The following DSG2 variants were observed in gnomAD, a reference collection of about 807,000 sequenced individuals.
The protein encoded by DSG2 is desmoglein-2.
DSG2 carries 45 observed loss-of-function variants against 75.6 expected under a neutral mutation model. The observed-to-expected ratio is 0.60, with a 90% CI of 0.47 to 0.76. DSG2 has a LOEUF of 0.76. Among genes scored for constraint, DSG2 ranks in the 30% least tolerant of loss-of-function variants. The probability of loss-of-function intolerance (pLI) is 0.00; values close to 1 mark genes in which losing one functional copy is unlikely to be tolerated. For synonymous variants in DSG2, 429 were observed against 483.9 expected (o/e 0.89, Z 1.49); for missense variants, 1,267 against 1,357.4 (o/e 0.93, Z 1.05).
At position 31,541,297 on chromosome 18, in the gene DSG2, G is replaced by C; in HGVS notation, c.1984G>C (p.Ala662Pro). ...EMLHPWNNEG[A>P]PPEDKVVPSF... The stretch of plus-strand genomic sequence containing the variant: ...GCTGCATCCTTGGAATAATGAAGGA[G>C]CACCACCTGAAGACAAGGTCAGTGG... The change falls in exon 13 of 15, where the codon GCA (alanine) becomes CCA (proline). Residue 662 changes from alanine to proline, a missense_variant. Ala to Pro is a conservative substitution (Grantham distance 27). Transcript: ENST00000261590. The C allele has an allele frequency of 6.2e-7, 1 of 1,613,742 alleles. No individual in the cohort carries two copies. Among genetic ancestry groups the C allele is most frequent in the African/African-American group, 1.3e-5 (1 of 75,018 alleles).
In DSG2 at chr18:31,548,007, G is replaced by GT. The variant is rs1210957087; in HGVS notation, c.*1269dup. 1.3e-5 allele frequency: 2 copies of GT among 151,888 alleles called. No homozygotes were observed. Among genetic ancestry groups the GT allele is most frequent in the Non-Finnish European group, 2.9e-5 (2 of 67,968 alleles). The allele number at this position is 151,888 out of a possible 1,614,324, so 9.4% of individuals were successfully genotyped here. A position where few individuals can be genotyped will look rare whatever the true frequency, so the allele number is the denominator to read the frequency against. On this transcript the variant is annotated 3_prime_UTR_variant, in exon 15 of 15. Coordinates refer to ENST00000261590, the MANE Select transcript of DSG2 (RefSeq NM_001943.5). ...TTACACTGAATTGTAAAAACCATTCGTTTTTGTTTACAATTGCCAAAAATC... is the reference window on the plus strand; with the variant it reads ...TTACACTGAATTGTAAAAACCATTCGTTTTTTGTTTACAATTGCCAAAAATC...
intron 1 of DSG2, among the ~76,000 whole-genome samples, chr18:31,504,320 A>G (rs1239884248): frequency 6.6e-6 from 1 of 152,214 alleles, no homozygotes; most frequent in African/African-American, 2.4e-5. Flanking sequence ...ACATTAAACA[A>G]TGTTTGATAC....
chr18:31,518,028 T>C (rs1024721600), intron 1 of DSG2, among the ~76,000 whole-genome samples: 16 of 152,114 alleles, frequency 1.1e-4, no homozygotes, highest in African/African-American at 3.6e-4. Flanking sequence ...GAGGAGTCAG[T>C]ATGGATCCAG....
chr18:31,501,896 CAAT>C (rs1340909620), intron 1 of DSG2, among the ~76,000 whole-genome samples: 3 of 151,986 alleles, frequency 2.0e-5, no homozygotes, highest in African/African-American at 7.2e-5. Flanking sequence ...TATAAATTAT[CAAT>C]AATATCAGAG....
rs376777933 is a variant in DSG2 at position 31,546,766 on chromosome 18, C to T, written c.*23C>T. The stretch of plus-strand genomic sequence containing the variant: ...TAAACAGCAGTCAGCCACAAACTGA[C>T]CCAGAGTTTAATTAGCAGTGACTAA... On this transcript the variant is annotated 3_prime_UTR_variant, in exon 15 of 15. Coordinates refer to ENST00000261590, the MANE Select transcript of DSG2 (RefSeq NM_001943.5). 32 of 1,609,970 alleles carry T rather than the reference C, an allele frequency of 2.0e-5. No individual in the cohort carries two copies. Among genetic ancestry groups the T allele is most frequent in the Non-Finnish European group, 2.7e-5 (32 of 1,176,262 alleles).
chr18:31,527,624 C>T (rs748315860), intron 8 of DSG2, among the ~76,000 whole-genome samples: 78 of 152,150 alleles, frequency 5.1e-4, no homozygotes, highest in Non-Finnish European at 5.3e-4. Flanking sequence ...GTAGCAAATA[C>T]CCACGTGAAA....
At chr18:31,545,688 T>TTTTGTG in intron 14 of DSG2, 33 bp from the exon 15 acceptor site, 1 of 1,598,976 alleles carries the variant, frequency 6.3e-7, no homozygotes, top group Non-Finnish European at 8.5e-7. Context: ...TATTTGTCTG[T>TTTTGTG]TTTGTGTTTG....
intron 9 of DSG2, among the ~76,000 whole-genome samples, chr18:31,533,574 G>T (rs2073210671): frequency 6.6e-6 from 1 of 152,196 alleles, no homozygotes; most frequent in African/African-American, 2.4e-5. Flanking sequence ...GAGAACAGAA[G>T]ATTTCTTAAA....
rs2073133013 is a variant in DSG2, at chr18:31,522,230, G to C, written c.671G>C (p.Ser224Thr). The C allele has an allele frequency of 1.2e-6, 2 of 1,613,642 alleles. No homozygotes were observed. The highest frequency in any genetic ancestry group is 2.2e-5 in the South Asian group (2 of 91,074). Residue 224 changes from serine (S) to threonine (T), a missense_variant, in exon 6 of 15, where the codon AGT becomes ACT. By Grantham distance (58) the Ser-to-Thr change is moderately conservative (BLOSUM62 1). Coordinates refer to ENST00000261590, the MANE Select transcript of DSG2 (RefSeq NM_001943.5). ...GATACAGGAGAGATTTATACAACCA[G>C]TGTTACCTTGGACAGAGAGGTAAGT... The part of the protein sequence containing the change: ...NKDTGEIYTT[S>T]VTLDREEHSS...
intron 10 of DSG2, 90 bp downstream of exon 10, chr18:31,535,502 A>C: frequency 7.9e-7 from 1 of 1,265,052 alleles, no homozygotes; most frequent in South Asian, 1.3e-5. Context: ...TTGTGTATAA[A>C]AACCTAATCT....
At chr18:31,531,647 G>A (rs555413863) in intron 9 of DSG2, among the ~76,000 whole-genome samples, 1 of 152,344 alleles carries the variant, frequency 6.6e-6, no homozygotes, top group South Asian at 2.1e-4. Flanking sequence ...GTTACATAAT[G>A]TATTTTAATA....
At chr18:31,501,394 G>A (rs760552816) in intron 1 of DSG2, among the ~76,000 whole-genome samples, 22 of 152,178 alleles carry the variant, frequency 1.4e-4, no homozygotes, top group Non-Finnish European at 2.2e-4. Flanking sequence ...ATTTAGTAGG[G>A]TATTAGTTTG....
intron 2 of DSG2, among the ~76,000 whole-genome samples, chr18:31,518,950 G>A (rs1314148758): frequency 3.9e-5 from 6 of 152,064 alleles, no homozygotes; most frequent in South Asian, 2.1e-4. Flanking sequence ...TCTGCCTAAG[G>A]TTCTGAAAAT....
At position 31,524,439 on chromosome 18, in the gene DSG2, G is replaced by A. The variant is rs2073148352; in HGVS notation, c.691-9G>A. 2 of 1,614,114 alleles carry A rather than the reference G, an allele frequency of 1.2e-6. No individual in the cohort carries two copies. Among genetic ancestry groups the A allele is most frequent in the South Asian group, 1.1e-5 (1 of 91,082 alleles). On this transcript the variant is annotated splice_polypyrimidine_tract_variant and intron_variant, in intron 6 of 14. Transcript: ENST00000261590. The stretch of plus-strand genomic sequence containing the variant: ...TTCACCCAGCTGGACATTTTTCATT[G>A]CTCTGCAGGAACACAGCAGCTACAC...
Position 31,541,242 on chromosome 18 carries a change from C to G in DSG2, c.1929C>G (p.Gly643=). 1 of 1,614,112 alleles carries G rather than the reference C, an allele frequency of 6.2e-7. No individual in the cohort carries two copies. The highest frequency in any genetic ancestry group is 8.5e-7 in the Non-Finnish European group (1 of 1,179,966). Residue 643 remains glycine (G), a synonymous_variant, in exon 13 of 15, where the codon GGC becomes GGG. Coordinates refer to ENST00000261590, the MANE Select transcript of DSG2 (RefSeq NM_001943.5). ...GCCATTGCGGAAAGGGCGCCAAAGG[C>G]TTTACCCCCATACCTGGCACCATAG... ...LMCHCGKGAK[G]FTPIPGTIEM...
In DSG2 at chr18:31,526,693, C is replaced by A. The variant is rs546911962; in HGVS notation, c.1014+1805C>A. ...TATTGATGAATGACAGAGGTGCTAG[C>A]ATAGAATTGTCATGTGCCACATACG... On this transcript the variant is annotated intron_variant, in intron 8 of 14. Transcript: ENST00000261590. Among the ~76,000 whole-genome samples the A allele has an allele frequency of 5.3e-5, 8 of 152,218 alleles. No homozygotes were observed. The East Asian group carries it at 1.5e-3, about 29-fold the overall frequency.
chr18:31,510,220 A>G (rs1423983946), intron 1 of DSG2, among the ~76,000 whole-genome samples: 2 of 152,202 alleles, frequency 1.3e-5, no homozygotes, highest in Admixed American at 6.5e-5. Flanking sequence ...CCTTCTAGTA[A>G]TTTCTCGCTG....
chr18:31,516,048 G>A, intron 1 of DSG2, among the ~76,000 whole-genome samples: 1 of 152,096 alleles, frequency 6.6e-6, no homozygotes, highest in East Asian at 1.9e-4. Context: ...AGTAGTGGGA[G>A]CAATACATAT....
intron 8 of DSG2, among the ~76,000 whole-genome samples, chr18:31,530,521 A>C (rs751287797): frequency 1.3e-5 from 2 of 152,032 alleles, no homozygotes; most frequent in African/African-American, 4.8e-5. Context: ...GGGCTCAAGC[A>C]ATCCTCCCAC....
Sources: gnomAD v4.1 joint callset for allele counts (sites outside exome capture counted in the v4.1 genomes callset) on GRCh38, gnomAD v4.1.1 for gene constraint, MANE v1.5 for transcripts, NCBI Gene and HGNC (gene_info 2026-07-23, HGNC 2026-07-21) for gene names.